Variants in KANK3 observed in about 807,000 individuals in gnomAD.
KANK3 encodes KN motif and ankyrin repeat domain-containing protein 3.
In KANK3, 61 loss-of-function variants were observed where a neutral mutation model predicts 65.4. That is an observed-to-expected ratio of 0.93 (90% confidence interval 0.76 to 1.15). The LOEUF is 1.15. Ranked by LOEUF, KANK3 falls within the 50% of genes most tolerant of loss-of-function variation. The pLI, the probability that KANK3 is intolerant of heterozygous loss-of-function variation, is 0.00. For synonymous variants in KANK3, 586 were observed against 543.3 expected, an observed-to-expected ratio of 1.08 and a Z score of -1.09; for missense variants, 1,187 against 1,178.8, an observed-to-expected ratio of 1.01 and a Z score of -0.10.
chr19:8,342,622 G>C (rs1470779564), intron 1 of KANK3, among the ~76,000 whole-genome samples: 1 of 152,072 alleles, frequency 6.6e-6, no homozygotes, highest in Non-Finnish European at 1.5e-5. Context: ...GCGCCTTCCA[G>C]GAGGCCCTGA....
In KANK3 at chr19:8,335,667, C is replaced by G. The variant is rs571117304; in HGVS notation, c.160G>C (p.Glu54Gln). The G allele has an allele frequency of 1.6e-3, 2,004 of 1,254,442 alleles. 2 individuals carry two copies. Among genetic ancestry groups the G allele is most frequent in the Non-Finnish European group, 1.9e-3 (1,874 of 996,152 alleles). 77.7% of individuals were successfully genotyped at this position (1,254,442 alleles called of 1,614,324 possible). A position where few individuals can be genotyped will look rare whatever the true frequency, so the allele number is the denominator to read the frequency against. Residue 54 changes from glutamate (E) to glutamine (Q), a missense_variant, in exon 3 of 11, where the codon GAG becomes CAG. By Grantham distance (29) the Glu-to-Gln change is conservative. Around this residue, in one of 3 missense-constraint regions of KANK3, gnomAD observed 104 missense variants for 122.1 expected, o/e 0.85. Transcript: ENST00000330915. Reference protein sequence around the residue: ...LDLDFLKYIEELERGPAARRA... With the variant: ...LDLDFLKYIEQLERGPAARRA... ...CGGGCAGCGGGGCCACGCTCCAGCTCCTCTATGTACTTGAGGAAGTCCAGG... is the reference window on the plus strand; with the variant it reads ...CGGGCAGCGGGGCCACGCTCCAGCTGCTCTATGTACTTGAGGAAGTCCAGG...
chr19:8,339,976 AAAAAAAAAG>A (rs376933558), intron 1 of KANK3, among the ~76,000 whole-genome samples: 13,337 of 134,768 alleles, frequency 0.099, 508 homozygotes, highest in Middle Eastern at 0.17. Context: ...AAAAAAAAAA[AAAAAAAAAG>A]AAAAGAAAAG....
At chr19:8,336,578 A>G (rs1030631475) in intron 2 of KANK3, among the ~76,000 whole-genome samples, 5 of 115,762 alleles carry the variant, frequency 4.3e-5, no homozygotes, top group Non-Finnish European at 8.9e-5. Flanking sequence ...CTCCAAAAAT[A>G]TATATATACA....
intron 1 of KANK3, among the ~76,000 whole-genome samples, chr19:8,340,723 T>C (rs1452736458): frequency 6.6e-6 from 1 of 152,280 alleles, no homozygotes; most frequent in African/African-American, 2.4e-5. Context: ...TAACTCCATT[T>C]CCCACTTCTG....
rs78395239 is a variant in KANK3 at position 8,323,255 on chromosome 19, G to A, written c.2383-333C>T. On this transcript the variant is annotated intron_variant, in intron 10 of 10. Coordinates refer to ENST00000330915, the MANE Select transcript of KANK3 (RefSeq NM_198471.3). ...GCATGGTCCATCTTAAGCTTGTTCAGAACGCCTTAGCCTGTAGTTGGGGAA... is the reference window on the plus strand; with the variant it reads ...GCATGGTCCATCTTAAGCTTGTTCAAAACGCCTTAGCCTGTAGTTGGGGAA... 7.4e-3 allele frequency: 1,413 copies of A among 190,994 alleles called. 75 individuals carry two copies. In the East Asian group the frequency reaches 0.14, roughly 19 times the overall value. 11.8% of individuals were successfully genotyped at this position (190,994 alleles called of 1,614,324 possible). A position where few individuals can be genotyped will look rare whatever the true frequency, so the allele number is the denominator to read the frequency against.
chr19:8,335,634 G>T lies in KANK3; in HGVS notation c.193C>A (p.Pro65Thr). 8.0e-7 allele frequency: 1 copy of T among 1,244,684 alleles called. No individual in the cohort carries two copies. Among genetic ancestry groups the T allele is most frequent in the Non-Finnish European group, 1.0e-6 (1 of 992,004 alleles). 77.1% of individuals were successfully genotyped at this position (1,244,684 alleles called of 1,614,324 possible). The change falls in exon 3 of 11, where the codon CCG becomes ACG. Residue 65 changes from proline (P) to threonine (T), a missense_variant. Physicochemically the swap from Pro to Thr is conservative, Grantham distance 38. Transcript: ENST00000330915. ...GGACGGCGCGAGGTCGGGGGTCCCG[G>T]GGCGCGGCGGGCAGCGGGGCCACGC... ...LERGPAARRA[P>T]GPPTSRRPRA...
chr19:8,335,731 C>A lies in KANK3; in HGVS notation c.96G>T (p.Ser32=). ...CGTAGGGCGTCTCCACCGAGTAGGG[C>A]GAGCTCGGGCTGCGTGCGCCCCCGG... ...PAAGGARSPS[S]PYSVETPYGF... is the part of the protein sequence containing the mutation. The change falls in exon 3 of 11, where the codon TCG becomes TCT. Residue 32 remains serine (S), a synonymous_variant. Transcript: ENST00000330915. 2.4e-6 allele frequency: 3 copies of A among 1,246,520 alleles called. No homozygotes were observed. Among genetic ancestry groups the A allele is most frequent in the African/African-American group, 3.1e-5 (2 of 64,542 alleles). 77.2% of individuals were successfully genotyped at this position (1,246,520 alleles called of 1,614,324 possible).
rs759095734 is a variant in KANK3 at position 8,322,858 on chromosome 19, T to C, written c.2447A>G (p.Glu816Gly). 20 of 1,599,144 alleles carry C rather than the reference T, an allele frequency of 1.3e-5. No individual in the cohort carries two copies. The South Asian group carries it at 2.2e-4, about 18-fold the overall frequency. The change falls in exon 11 of 11, where the codon GAG becomes GGG. Residue 816 changes from glutamate to glycine, a missense_variant. Glu to Gly is a moderately conservative substitution (Grantham distance 98). This residue lies in a region of KANK3 where 1,078 missense variants were observed against 1,038.2 expected (regional missense o/e 1.04). Transcript: ENST00000330915. ...GGCAGCTTACTGAACCTGGGGGTTC[T>C]CTCCATTGTCACCGCATTCTCCTTC... ...PGEGECGDNG[E>G]NPQVQ
intron 7 of KANK3, among the ~76,000 whole-genome samples, chr19:8,330,456 C>T (rs566398786): frequency 2.0e-5 from 3 of 152,112 alleles, no homozygotes; most frequent in Non-Finnish European, 4.4e-5. Context: ...TGTCTGGGCA[C>T]GGTGGCTCAC....
chr19:8,334,759 C>T lies in KANK3; in HGVS notation c.1068G>A (p.Glu356=), dbSNP rs754203001. The stretch of plus-strand genomic sequence containing the variant: ...GGTGCTCCAGACTGGCGCGCAGCAG[C>T]TCTAGCTCGCGCTCGGCGGCCGCAG... The part of the protein sequence containing the change: ...GLPAAAEREL[E]LLRASLEHQR... The change falls in exon 3 of 11, where the codon GAG becomes GAA. Residue 356 remains glutamate (E), a synonymous_variant. Coordinates refer to ENST00000330915, the MANE Select transcript of KANK3 (RefSeq NM_198471.3). 6.6e-7 allele frequency: 1 copy of T among 1,508,598 alleles called. No homozygotes were observed. The highest frequency in any genetic ancestry group is 8.8e-7 in the Non-Finnish European group (1 of 1,137,162). 93.5% of individuals were successfully genotyped at this position (1,508,598 alleles called of 1,614,324 possible).
Position 8,333,094 on chromosome 19 carries a change from G to A in KANK3, c.1856C>T (p.Ala619Val), listed in dbSNP as rs959229907. The change falls in exon 7 of 11, where the codon GCG becomes GTG. Residue 619 changes from alanine to valine, a missense_variant. Ala to Val is a moderately conservative substitution (Grantham distance 64). Around this residue, in one of 3 missense-constraint regions of KANK3, gnomAD observed 1,078 missense variants for 1,038.2 expected, o/e 1.04. Transcript: ENST00000330915. This position sits in a 1 kb window ranked among gnomAD's most constrained non-coding sequence, Gnocchi z 5.0. ...PELLAHVVNL[A>V]DGNGNTALHY... is the part of the protein sequence containing the mutation. ...CAGGGCCGTGTTCCCGTTGCCATCC[G>A]CCAGGTTCACCACGTGCGCCAGCAG... The A allele has an allele frequency of 3.1e-6, 5 of 1,605,444 alleles. No individual in the cohort carries two copies. The highest frequency in any genetic ancestry group is 2.2e-5 in the South Asian group (2 of 90,804).
At chr19:8,341,652 C>T (rs961401065) in intron 1 of KANK3, among the ~76,000 whole-genome samples, 3 of 152,110 alleles carry the variant, frequency 2.0e-5, no homozygotes, top group Admixed American at 6.6e-5. Flanking sequence ...GAGCCGTGCC[C>T]GGCCTAATTT....
Position 8,335,645 on chromosome 19 carries a change from G to T in KANK3, c.182C>A (p.Ala61Asp). 1 of 1,247,076 alleles carries T rather than the reference G, an allele frequency of 8.0e-7. No individual in the cohort carries two copies. 77.3% of individuals were successfully genotyped at this position (1,247,076 alleles called of 1,614,324 possible). A position where few individuals can be genotyped will look rare whatever the true frequency, so the allele number is the denominator to read the frequency against. The change falls in exon 3 of 11, where the codon GCC becomes GAC. Residue 61 changes from alanine (A) to aspartate (D), a missense_variant. Physicochemically the swap from Ala to Asp is moderately radical, Grantham distance 126 (BLOSUM62 -2). Around this residue, in one of 3 missense-constraint regions of KANK3, gnomAD observed 104 missense variants for 122.1 expected, o/e 0.85. Transcript: ENST00000330915. ...YIEELERGPA[A>D]RRAPGPPTSR... ...GGTCGGGGGTCCCGGGGCGCGGCGGGCAGCGGGGCCACGCTCCAGCTCCTC... is the reference window on the plus strand; with the variant it reads ...GGTCGGGGGTCCCGGGGCGCGGCGGTCAGCGGGGCCACGCTCCAGCTCCTC...
In KANK3 at chr19:8,334,859, C is replaced by A; in HGVS notation, c.968G>T (p.Arg323Leu). ...EAGAQAVPET[R>L]EAGVEAAPET... is the part of the protein sequence containing the mutation. Reference sequence around the variant, plus strand: ...GGGGGCAGCCTCCACGCCGGCCTCCCGGGTCTCCGGCACGGCCTGGGCACC... The same window carrying A: ...GGGGGCAGCCTCCACGCCGGCCTCCAGGGTCTCCGGCACGGCCTGGGCACC... The change falls in exon 3 of 11, where the codon CGG (arginine) becomes CTG (leucine). Residue 323 changes from arginine (R) to leucine (L), a missense_variant. Transcript: ENST00000330915. The A allele has an allele frequency of 6.8e-7, 1 of 1,462,334 alleles. No homozygotes were observed. The highest frequency in any genetic ancestry group is 9.0e-7 in the Non-Finnish European group (1 of 1,116,834). 90.6% of individuals were successfully genotyped at this position (1,462,334 alleles called of 1,614,324 possible).
Position 8,324,449 on chromosome 19 carries a change from C to T in KANK3, c.2382G>A (p.Gln794=), listed in dbSNP as rs752874316. The change falls in exon 10 of 11, where the codon CAG becomes CAA. Residue 794 remains glutamine, a splice_region_variant and synonymous_variant. Transcript: ENST00000330915. The part of the protein sequence containing the change: ...AHLSSGQPDT[Q]SESPPGSQTA... ...TTGTTTCTTCCAGAGCTGTGCTCACCTGGGTGTCGGGCTGGCCCGAGCTCA... is the reference window on the plus strand; with the variant it reads ...TTGTTTCTTCCAGAGCTGTGCTCACTTGGGTGTCGGGCTGGCCCGAGCTCA... 13 of 1,597,720 alleles carry T rather than the reference C, an allele frequency of 8.1e-6. No homozygotes were observed. The highest frequency in any genetic ancestry group is 1.3e-5 in the African/African-American group (1 of 74,582).
Position 8,324,615 on chromosome 19 carries a change from A to G in KANK3, c.2283+15T>C. The G allele has an allele frequency of 6.2e-7, 1 of 1,613,380 alleles. No individual in the cohort carries two copies. Among genetic ancestry groups the G allele is most frequent in the African/African-American group, 1.3e-5 (1 of 75,058 alleles). On this transcript the variant is annotated intron_variant, in intron 9 of 10. Coordinates refer to ENST00000330915, the MANE Select transcript of KANK3 (RefSeq NM_198471.3). The stretch of plus-strand genomic sequence containing the variant: ...GGGCACCCCCCAAGATGCCAGCCCC[A>G]TTGTGGGGTCTTACATTGTCCAGGA...
At position 8,334,313 on chromosome 19, in the gene KANK3, C is replaced by A. The variant is rs758797647; in HGVS notation, c.1427+7G>T. On this transcript the variant is annotated splice_region_variant and intron_variant, in intron 4 of 10. Coordinates refer to ENST00000330915, the MANE Select transcript of KANK3 (RefSeq NM_198471.3). ...AGAAGCTGCCACAGGAGGGGAAAGG[C>A]GCTCACTCTCCGTTGAGGACCCCAA... is the stretch of plus-strand genomic sequence containing the variant. 8 of 1,613,752 alleles carry A rather than the reference C, an allele frequency of 5.0e-6. No homozygotes were observed. In the East Asian group the frequency reaches 1.3e-4, roughly 27 times the overall value.
At position 8,340,291 on chromosome 19, in the gene KANK3, T is replaced by TACAC. The variant is rs147457593; in HGVS notation, c.-28-2439_-28-2436dup. Reference sequence around the variant, plus strand: ...AAAAAAAACCATATATATATATATATACACACACACACACACACACACACA... The same window carrying TACAC: ...AAAAAAAACCATATATATATATATATACACACACACACACACACACACACACACA... On this transcript the variant is annotated intron_variant, in intron 1 of 10. Transcript: ENST00000330915. 1.4e-3 allele frequency among the ~76,000 whole-genome samples: 132 copies of TACAC among 92,436 alleles called. 1 individual carries two copies. The highest frequency in any genetic ancestry group is 8.0e-3 in the East Asian group (20 of 2,496). The allele number at this position is 92,436 out of a possible 152,430, so 60.6% of individuals were successfully genotyped here.
chr19:8,334,607 C>T lies in KANK3; in HGVS notation c.1220G>A (p.Ser407Asn). The change falls in exon 3 of 11, where the codon AGC (serine) becomes AAC (asparagine). Residue 407 changes from serine to asparagine, a missense_variant. Ser to Asn is a conservative substitution (Grantham distance 46). Coordinates refer to ENST00000330915, the MANE Select transcript of KANK3 (RefSeq NM_198471.3). ...GGTCTGCGCGGCCTTTTCGGCACAG[C>T]TCCACGGGGTCTGGGTGGTGGCCTC... is the stretch of plus-strand genomic sequence containing the variant. Reference protein sequence around the residue: ...LREATTQTPWSCAEKAAQTES... With the variant: ...LREATTQTPWNCAEKAAQTES... 6.3e-7 allele frequency: 1 copy of T among 1,582,978 alleles called. No homozygotes were observed. Among genetic ancestry groups the T allele is most frequent in the Non-Finnish European group, 8.5e-7 (1 of 1,172,488 alleles).
Sources: gnomAD v4.1 joint callset for allele counts (sites outside exome capture counted in the v4.1 genomes callset) on GRCh38, gnomAD v4.1.1 for gene constraint, gnomAD v4.1.1 regional missense constraint, Gnocchi (gnomAD v3.1) non-coding constraint, MANE v1.5 for transcripts, NCBI Gene and HGNC (gene_info 2026-07-23, HGNC 2026-07-21) for gene names.